Variants in ULK4 observed in about 807,000 individuals in gnomAD.
ULK4 encodes inactive serine/threonine-protein kinase ULK4.
ULK4 carries 133 observed loss-of-function variants against 160.6 expected under a neutral mutation model. The ratio of observed to expected loss-of-function variants is 0.83; its 90% CI spans 0.72 to 0.96. The LOEUF (loss-of-function observed/expected upper bound fraction) is 0.96, where lower values mean the gene tolerates loss of function less well. Among genes scored for constraint, ULK4 ranks in the 40% least tolerant of loss-of-function variants. The pLI is 0.00. For synonymous variants in ULK4, 534 were observed against 539.8 expected (o/e 0.99, Z 0.15); for missense variants, 1,580 against 1,499.5 (o/e 1.05, Z -0.89).
intron 30 of ULK4, among the ~76,000 whole-genome samples, chr3:41,658,582 T>C (rs1019299873): frequency 3.9e-5 from 6 of 152,208 alleles, no homozygotes; most frequent in African/African-American, 1.2e-4. Flanking sequence ...TAAATCAATA[T>C]GTAATATTGA....
At chr3:41,411,689 T>TCC (rs2082412521) in intron 34 of ULK4, among the ~76,000 whole-genome samples, 1 of 152,166 alleles carries the variant, frequency 6.6e-6, no homozygotes, top group Non-Finnish European at 1.5e-5. Context: ...TGCCTTGGCC[T>TCC]CCCCAAGTGC....
At chr3:41,513,324 T>G (rs1441870404) in intron 32 of ULK4, among the ~76,000 whole-genome samples, 3 of 152,138 alleles carry the variant, frequency 2.0e-5, no homozygotes, top group Non-Finnish European at 4.4e-5. Context: ...CTAAAAAGCT[T>G]CTGCACAGCA....
At chr3:41,499,997 C>T (rs1207562546) in intron 32 of ULK4, among the ~76,000 whole-genome samples, 2 of 152,056 alleles carry the variant, frequency 1.3e-5, no homozygotes, top group Non-Finnish European at 2.9e-5. Flanking sequence ...TTTATTCTTT[C>T]TCCAGTCACT....
chr3:41,489,620 T>A (rs1035338537), intron 32 of ULK4, among the ~76,000 whole-genome samples: 3 of 152,196 alleles, frequency 2.0e-5, no homozygotes, highest in Non-Finnish European at 4.4e-5. Context: ...AAGCTTCATC[T>A]GTCCAGGCAC....
At chr3:41,552,580 A>G (rs769507860) in intron 32 of ULK4, among the ~76,000 whole-genome samples, 1 of 151,804 alleles carries the variant, frequency 6.6e-6, no homozygotes. Flanking sequence ...ACTTCAAAAC[A>G]TAAGAAACTG....
At chr3:41,648,223 G>A (rs2034595238) in intron 30 of ULK4, among the ~76,000 whole-genome samples, 1 of 152,136 alleles carries the variant, frequency 6.6e-6, no homozygotes, top group African/African-American at 2.4e-5. Context: ...CCCACTGTCT[G>A]GCACTCCCTA....
intron 19 of ULK4, among the ~76,000 whole-genome samples, chr3:41,808,931 G>C (rs1481200498): frequency 6.6e-6 from 1 of 152,166 alleles, no homozygotes; most frequent in Non-Finnish European, 1.5e-5. Flanking sequence ...CATTTTGGGA[G>C]GCTGAGGCGG....
chr3:41,385,059 A>T (rs953454027), intron 35 of ULK4, among the ~76,000 whole-genome samples: 35 of 148,980 alleles, frequency 2.3e-4, no homozygotes, highest in Admixed American at 2.2e-3. Flanking sequence ...CTCAAAAAAT[A>T]AAAAAAAAAG....
chr3:41,511,715 G>T (rs2125924578), intron 32 of ULK4, among the ~76,000 whole-genome samples: 1 of 152,226 alleles, frequency 6.6e-6, no homozygotes, highest in East Asian at 1.9e-4. Context: ...CAGACATTCA[G>T]AGAAGAACTG....
chr3:41,750,717 C>A (rs560956356), intron 22 of ULK4, among the ~76,000 whole-genome samples: 1 of 151,870 alleles, frequency 6.6e-6, no homozygotes, highest in South Asian at 2.1e-4. Flanking sequence ...CTGGTCTGGC[C>A]GGGTGTGGTG....
chr3:41,821,655 C>G (rs1410343424), intron 18 of ULK4, among the ~76,000 whole-genome samples: 1 of 152,136 alleles, frequency 6.6e-6, no homozygotes, highest in East Asian at 1.9e-4. Flanking sequence ...CCCTCTGGGT[C>G]TTTCCTGTTT....
At chr3:41,802,588 T>A (rs1235207160) in intron 19 of ULK4, among the ~76,000 whole-genome samples, 1 of 152,164 alleles carries the variant, frequency 6.6e-6, no homozygotes, top group Non-Finnish European at 1.5e-5. Flanking sequence ...CATGAGCTAC[T>A]ATGCCAAGCC....
chr3:41,480,388 G>A lies in ULK4; in HGVS notation c.3227-17135C>T, dbSNP rs139092672. Among the ~76,000 whole-genome samples the A allele has an allele frequency of 2.5e-4, 38 of 151,572 alleles. No homozygotes were observed. The East Asian group carries it at 7.2e-3, about 29-fold the overall frequency. ...TAGCTTACTTTTTTTTTCCACTGAAGAATACAGTTGACCCCTGAACAACAT... is the reference window on the plus strand; with the variant it reads ...TAGCTTACTTTTTTTTTCCACTGAAAAATACAGTTGACCCCTGAACAACAT... On this transcript the variant is annotated intron_variant, in intron 32 of 36. Transcript: ENST00000301831.
chr3:41,380,572 C>T (rs971285701), intron 35 of ULK4, among the ~76,000 whole-genome samples: 2 of 152,100 alleles, frequency 1.3e-5, no homozygotes, highest in Non-Finnish European at 2.9e-5. Context: ...CAGAACTCTT[C>T]AGGCTCCAGC....
intron 27 of ULK4, among the ~76,000 whole-genome samples, chr3:41,693,506 T>C (rs1014462601): frequency 6.6e-6 from 1 of 152,150 alleles, no homozygotes; most frequent in South Asian, 2.1e-4. Flanking sequence ...AGAACTGATA[T>C]GGAGTAATTT....
At chr3:41,434,285 C>T (rs150862586) in intron 34 of ULK4, among the ~76,000 whole-genome samples, 1 of 152,098 alleles carries the variant, frequency 6.6e-6, no homozygotes, top group African/African-American at 2.4e-5. Context: ...TTGTCCCAAG[C>T]ATTTTGGATA....
intron 17 of ULK4, among the ~76,000 whole-genome samples, chr3:41,854,430 A>T (rs974794110): frequency 6.6e-6 from 1 of 152,190 alleles, no homozygotes; most frequent in African/African-American, 2.4e-5. Context: ...ATCTGGGATT[A>T]GTAAAGGCCA....
intron 35 of ULK4, among the ~76,000 whole-genome samples, chr3:41,362,012 A>G (rs1299399045): frequency 6.6e-6 from 1 of 152,172 alleles, no homozygotes; most frequent in Non-Finnish European, 1.5e-5. Flanking sequence ...TGGAGGGAAG[A>G]GTTTTGCTGA....
chr3:41,415,076 A>G (rs1381382694), intron 34 of ULK4, among the ~76,000 whole-genome samples: 1 of 152,208 alleles, frequency 6.6e-6, no homozygotes, highest in African/African-American at 2.4e-5. Flanking sequence ...TAACTTTCCT[A>G]AGGCTCTTTC....
Sources: gnomAD v4.1 joint callset for allele counts (sites outside exome capture counted in the v4.1 genomes callset) on GRCh38, gnomAD v4.1.1 for gene constraint, MANE v1.5 for transcripts, NCBI Gene and HGNC (gene_info 2026-07-23, HGNC 2026-07-21) for gene names.